The following SDK1 variants were observed in gnomAD, a reference collection of about 807,000 sequenced individuals.
SDK1 encodes sidekick cell adhesion molecule 1.
SDK1 carries 157 observed loss-of-function variants against 245.5 expected under a neutral mutation model. That is an observed-to-expected ratio of 0.64 (90% CI 0.56 to 0.73). SDK1 has a LOEUF of 0.73. SDK1 is among the 30% of genes least tolerant of loss of function. The probability of loss-of-function intolerance (pLI) is 0.00; values close to 1 mark genes in which losing one functional copy is unlikely to be tolerated. For synonymous variants in SDK1, 1,647 were observed against 1,278.5 expected (o/e 1.29, Z -6.15); for missense variants, 3,583 against 3,002.3 (o/e 1.19, Z -4.52).
intron 4 of SDK1, among the ~76,000 whole-genome samples, chr7:3,812,300 A>G (rs1266928239): frequency 6.6e-6 from 1 of 152,254 alleles, no homozygotes; most frequent in African/African-American, 2.4e-5. Context: ...ACACACATTT[A>G]TCGACTACAC....
chr7:3,836,401 T>C (rs1780029008), intron 5 of SDK1, among the ~76,000 whole-genome samples: 1 of 152,206 alleles, frequency 6.6e-6, no homozygotes, highest in Non-Finnish European at 1.5e-5. Context: ...TGAGTTGCTG[T>C]ACAAGATACC....
At chr7:3,570,623 C>T (rs569003330) in intron 1 of SDK1, among the ~76,000 whole-genome samples, 4 of 152,154 alleles carry the variant, frequency 2.6e-5, no homozygotes, top group African/African-American at 9.7e-5. Context: ...TTCTTGTTTT[C>T]TAATGATAGG....
rs200880546 is a variant in SDK1, at chr7:4,129,918, G to A, written c.3950G>A (p.Arg1317Gln). ...GTGTCGATACCACAGATCCTGTTCCGGGCCAAAGACCTGGATCCCGAGCCC... is the reference window on the plus strand; with the variant it reads ...GTGTCGATACCACAGATCCTGTTCCAGGCCAAAGACCTGGATCCCGAGCCC... ...GLILGYKILF[R>Q]AKDLDPEPRS... Residue 1317 changes from arginine to glutamine, a missense_variant, in exon 27 of 45, where the codon CGG becomes CAG. Coordinates refer to ENST00000404826, the MANE Select transcript of SDK1 (RefSeq NM_152744.4). The A allele has an allele frequency of 1.6e-4, 257 of 1,613,586 alleles. No individual in the cohort carries two copies. The highest frequency in any genetic ancestry group is 2.0e-4 in the Non-Finnish European group (235 of 1,179,888).
Position 3,367,117 on chromosome 7 carries a change from A to G in SDK1, c.298+65233A>G, listed in dbSNP as rs146856595. On this transcript the variant is annotated intron_variant, in intron 1 of 44. Coordinates refer to ENST00000404826, the MANE Select transcript of SDK1 (RefSeq NM_152744.4). ...TGTGAAAGTTACTTCCCAGTTTGCC[A>G]TTGGTCTTTTGACTTTGCCTACAAT... Among the ~76,000 whole-genome samples, 510 of 152,172 alleles carry G rather than the reference A, an allele frequency of 3.4e-3. 1 individual carries two copies. The highest frequency in any genetic ancestry group is 6.8e-3 in the Middle Eastern group (2 of 294).
intron 31 of SDK1, among the ~76,000 whole-genome samples, chr7:4,159,520 T>G (rs886283495): frequency 1.4e-4 from 21 of 152,204 alleles, no homozygotes; most frequent in Non-Finnish European, 2.4e-4. Context: ...ACTGGCTGGC[T>G]TCTGTGGCTC....
chr7:3,625,944 T>TTTC (rs898676825), intron 2 of SDK1, among the ~76,000 whole-genome samples: 6 of 145,194 alleles, frequency 4.1e-5, no homozygotes, highest in African/African-American at 1.3e-4. Flanking sequence ...TTTTCTTTCT[T>TTTC]TTTTTTTTTT....
chr7:3,516,545 T>C (rs1196982226), intron 1 of SDK1, among the ~76,000 whole-genome samples: 2 of 152,180 alleles, frequency 1.3e-5, no homozygotes, highest in Non-Finnish European at 2.9e-5. Context: ...ACTATTCTCC[T>C]GATTACTAAA....
At chr7:3,492,723 C>G (rs1164554792) in intron 1 of SDK1, among the ~76,000 whole-genome samples, 1 of 152,136 alleles carries the variant, frequency 6.6e-6, no homozygotes. Flanking sequence ...CCCTGACAAC[C>G]TGTTAAGTTT....
At chr7:3,506,859 CATTT>C (rs931326661) in intron 1 of SDK1, among the ~76,000 whole-genome samples, 1 of 151,714 alleles carries the variant, frequency 6.6e-6, no homozygotes, top group Non-Finnish European at 1.5e-5. Context: ...TAAACACACA[CATTT>C]ATTCATTTGA....
chr7:3,832,866 T>C (rs1483978902), intron 5 of SDK1, among the ~76,000 whole-genome samples: 1 of 152,146 alleles, frequency 6.6e-6, no homozygotes, highest in African/African-American at 2.4e-5. Flanking sequence ...AGTATACCTC[T>C]ATGTTTGGCT....
intron 29 of SDK1, among the ~76,000 whole-genome samples, chr7:4,146,203 C>T (rs1779964491): frequency 6.6e-6 from 1 of 151,666 alleles, no homozygotes; most frequent in Non-Finnish European, 1.5e-5. Context: ...GTGAGCATTG[C>T]ATTCACACCT....
At chr7:4,115,287 G>A (rs1407152709) in intron 25 of SDK1, among the ~76,000 whole-genome samples, 1 of 152,168 alleles carries the variant, frequency 6.6e-6, no homozygotes, top group Non-Finnish European at 1.5e-5. Context: ...TGGAGGGGCT[G>A]TTCATTCTGG....
intron 5 of SDK1, among the ~76,000 whole-genome samples, chr7:3,848,938 G>A (rs1179148908): frequency 6.6e-6 from 1 of 152,196 alleles, no homozygotes; most frequent in Non-Finnish European, 1.5e-5. Flanking sequence ...CCAAAGTGCC[G>A]GGATTACAGG....
At chr7:4,217,463 A>ACCACCCGGAGCACCAGG (rs1784886512) in intron 38 of SDK1, among the ~76,000 whole-genome samples, 1 of 72,284 alleles carries the variant, frequency 1.4e-5, no homozygotes, top group African/African-American at 6.0e-5. Flanking sequence ...GGAGCACCAC[A>ACCACCCGGAGCACCAGG]CCACCCGGAG....
At chr7:4,124,397 C>G (rs2128195411) in intron 25 of SDK1, among the ~76,000 whole-genome samples, 1 of 152,232 alleles carries the variant, frequency 6.6e-6, no homozygotes, top group East Asian at 1.9e-4. Context: ...CTCGGACAGC[C>G]TCTCTCCCAT....
chr7:3,546,487 A>C (rs998079757), intron 1 of SDK1, among the ~76,000 whole-genome samples: 1 of 152,260 alleles, frequency 6.6e-6, no homozygotes, highest in African/African-American at 2.4e-5. Flanking sequence ...ATTGAGAATC[A>C]TGGACACTTG....
At chr7:3,460,098 A>C (rs567275853) in intron 1 of SDK1, among the ~76,000 whole-genome samples, 13 of 152,206 alleles carry the variant, frequency 8.5e-5, no homozygotes, top group Non-Finnish European at 1.6e-4. Context: ...ATAATAAATG[A>C]CATTATTATT....
intron 1 of SDK1, among the ~76,000 whole-genome samples, chr7:3,481,583 C>G (rs147245192): frequency 5.4e-4 from 82 of 152,322 alleles, no homozygotes; most frequent in Non-Finnish European, 1.0e-3. Context: ...TATTCTGACC[C>G]TTGAACCACC....
chr7:3,546,186 T>G (rs984398950), intron 1 of SDK1, among the ~76,000 whole-genome samples: 1 of 152,102 alleles, frequency 6.6e-6, no homozygotes, highest in African/African-American at 2.4e-5. Context: ...GGAGTCAGCA[T>G]TTCTGTGGAG....
Sources: allele counts gnomAD v4.1 joint callset (sites outside exome capture counted in the v4.1 genomes callset), GRCh38; gene constraint gnomAD v4.1.1; transcripts MANE v1.5; gene names NCBI Gene and HGNC (gene_info 2026-07-23, HGNC 2026-07-21).